Variants in ZNF638 observed in about 807,000 individuals in gnomAD.
ZNF638 encodes CTCL tumor antigen se33-1.
Under a neutral mutation model 195.6 loss-of-function variants are expected in ZNF638, and 46 were observed. The ratio of observed to expected loss-of-function variants is 0.24; its 90% CI spans 0.19 to 0.30. ZNF638 has a LOEUF of 0.30. Among genes scored for constraint, ZNF638 ranks in the 10% least tolerant of loss-of-function variants. The pLI is 1.00. For missense variants in ZNF638, 2,440 were observed against 2,325.3 expected (o/e 1.05, Z -1.01); for synonymous variants, 845 against 772.0 (o/e 1.09, Z -1.57).
intron 11 of ZNF638, among the ~76,000 whole-genome samples, chr2:71,397,562 T>TCGGCCAAC (rs1255363742): frequency 6.6e-6 from 1 of 152,202 alleles, no homozygotes; most frequent in Non-Finnish European, 1.5e-5. Context: ...ATTTTGGCAA[T>TCGGCCAAC]CACCACCCTT....
intron 1 of ZNF638, chr2:71,348,315 T>C: frequency 1.4e-6 from 1 of 697,440 alleles, no homozygotes; most frequent in African/African-American, 1.9e-5. Flanking sequence ...TTTACAAAAA[T>C]GGGTCTTTTA....
chr2:71,343,626 GA>G (rs1314934362), intron 1 of ZNF638, among the ~76,000 whole-genome samples: 3 of 152,196 alleles, frequency 2.0e-5, no homozygotes, highest in Non-Finnish European at 4.4e-5. Context: ...AGAGAGATTA[GA>G]TTGTCTCCTA....
intron 17 of ZNF638, 139 bp downstream of exon 17, chr2:71,404,137 A>G (rs925235206): frequency 5.6e-5 from 44 of 788,042 alleles, no homozygotes; most frequent in Non-Finnish European, 8.2e-5. Context: ...TGTCCCTCCA[A>G]CAATCACCCA....
chr2:71,385,912 T>C (rs577081900), intron 10 of ZNF638, among the ~76,000 whole-genome samples: 30 of 152,044 alleles, frequency 2.0e-4, no homozygotes, highest in East Asian at 9.6e-4. Flanking sequence ...TTTTAACATA[T>C]AGTGTCTGCG....
chr2:71,332,131 G>A (rs538894004), intron 1 of ZNF638, among the ~76,000 whole-genome samples: 7 of 152,358 alleles, frequency 4.6e-5, no homozygotes, highest in African/African-American at 4.8e-5. Flanking sequence ...CCGGGTACTC[G>A]TGAAGGACCC....
intron 11 of ZNF638, among the ~76,000 whole-genome samples, chr2:71,397,513 A>G (rs2079917762): frequency 2.6e-5 from 4 of 152,164 alleles, no homozygotes; most frequent in African/African-American, 9.7e-5. Context: ...TATGATTTTT[A>G]AAAGTATGAT....
At chr2:71,359,804 T>G (rs1279986816) in intron 3 of ZNF638, among the ~76,000 whole-genome samples, 1 of 152,220 alleles carries the variant, frequency 6.6e-6, no homozygotes, top group African/African-American at 2.4e-5. Context: ...TCCATTGATG[T>G]ATATTTAGAT....
intron 21 of ZNF638, among the ~76,000 whole-genome samples, chr2:71,421,890 T>G (rs528965059): frequency 1.3e-5 from 2 of 152,180 alleles, no homozygotes; most frequent in African/African-American, 4.8e-5. Flanking sequence ...AATATTGATA[T>G]AAAAATAACT....
At chr2:71,378,416 A>G (rs1242032445) in intron 8 of ZNF638, among the ~76,000 whole-genome samples, 3 of 152,214 alleles carry the variant, frequency 2.0e-5, no homozygotes, top group South Asian at 2.1e-4. Context: ...GGAAATGACA[A>G]GAGTGCCCAA....
In ZNF638 at chr2:71,393,375, G is replaced by C. The variant is rs1291115386; in HGVS notation, c.2378-2766G>C. Reference sequence around the variant, plus strand: ...CTAACGTGGGGAAGATGATATGCTTGTGTTCACACCCCCCTCAGGCCCTCT... The same window carrying C: ...CTAACGTGGGGAAGATGATATGCTTCTGTTCACACCCCCCTCAGGCCCTCT... On this transcript the variant is annotated intron_variant, in intron 10 of 27. Coordinates refer to ENST00000264447, the MANE Select transcript of ZNF638 (RefSeq NM_014497.5). The C allele has an allele frequency of 7.0e-6, 5 of 717,172 alleles. No individual in the cohort carries two copies. In the East Asian group the frequency reaches 1.3e-4, roughly 19 times the overall value. The allele number at this position is 717,172 out of a possible 1,614,324, so 44.4% of individuals were successfully genotyped here. A position where few individuals can be genotyped will look rare whatever the true frequency, so the allele number is the denominator to read the frequency against.
chr2:71,337,573 G>A lies in ZNF638; in HGVS notation c.-203+5698G>A, dbSNP rs371762032. Among the ~76,000 whole-genome samples, 7 of 151,922 alleles carry A rather than the reference G, an allele frequency of 4.6e-5. No homozygotes were observed. The South Asian group carries it at 8.3e-4, about 18-fold the overall frequency. On this transcript the variant is annotated intron_variant, in intron 1 of 27. Coordinates refer to ENST00000264447, the MANE Select transcript of ZNF638 (RefSeq NM_014497.5). ...GGCGCGCACCACCATGCCTGGCTACGTTTTATATTTTTTGTAGAGATGGGA... is the reference window on the plus strand; with the variant it reads ...GGCGCGCACCACCATGCCTGGCTACATTTTATATTTTTTGTAGAGATGGGA...
chr2:71,399,434 A>T, intron 12 of ZNF638, 125 bp from the exon 13 acceptor site: 2 of 655,884 alleles, frequency 3.0e-6, no homozygotes, highest in South Asian at 2.1e-5. Context: ...AAATAGAAAT[A>T]ATGACTATGT....
chr2:71,331,954 A>C, intron 1 of ZNF638, 79 bp downstream of exon 1: 1 of 982,068 alleles, frequency 1.0e-6, no homozygotes, highest in Non-Finnish European at 1.2e-6. Context: ...CCTTCCTGTG[A>C]GATCCGGGCC....
intron 1 of ZNF638, among the ~76,000 whole-genome samples, chr2:71,342,770 CAT>C (rs1007222252): frequency 1.3e-5 from 2 of 152,118 alleles, no homozygotes; most frequent in African/African-American, 4.8e-5. Flanking sequence ...CAGTAGCTGA[CAT>C]ATGGCATAAG....
chr2:71,345,636 G>C (rs1262686618), intron 1 of ZNF638, among the ~76,000 whole-genome samples: 3 of 152,018 alleles, frequency 2.0e-5, no homozygotes, highest in African/African-American at 7.2e-5. Context: ...TCCTGCCTTG[G>C]CCTCCCAAAG....
intron 20 of ZNF638, among the ~76,000 whole-genome samples, chr2:71,411,066 C>T (rs1158754869): frequency 4.2e-5 from 6 of 141,920 alleles, no homozygotes; most frequent in African/African-American, 1.3e-4. Flanking sequence ...GGCGTGACCT[C>T]GGCTCACTGC....
intron 10 of ZNF638, chr2:71,388,359 TGACCTTTGATCATCC>T (rs907034778): frequency 2.6e-5 from 15 of 569,618 alleles, no homozygotes; most frequent in South Asian, 1.3e-4. Flanking sequence ...TTTGATCATC[TGACCTTTGATCATCC>T]GACCTTTGAT....
chr2:71,349,815 T>G lies in ZNF638; in HGVS notation c.861T>G (p.Val287=). 6.2e-7 allele frequency: 1 copy of G among 1,614,160 alleles called. No homozygotes were observed. The highest frequency in any genetic ancestry group is 8.5e-7 in the Non-Finnish European group (1 of 1,180,022). Residue 287 remains valine, a synonymous_variant, in exon 2 of 28, where the codon GTT becomes GTG. Transcript: ENST00000264447. Reference sequence around the variant, plus strand: ...CCAATAATCGGTCCTTTTTCTCAGTTGAGAGTGGAACCAAGATGTCAGGCT... The same window carrying G: ...CCAATAATCGGTCCTTTTTCTCAGTGGAGAGTGGAACCAAGATGTCAGGCT... The part of the protein sequence containing the change: ...ESSNNRSFFS[V]ESGTKMSGLH...
intron 9 of ZNF638, 81 bp downstream of exon 9, chr2:71,380,361 A>G (rs2079514222): frequency 1.4e-5 from 17 of 1,173,754 alleles, no homozygotes; most frequent in Non-Finnish European, 2.0e-5. Context: ...ACCGCATTTT[A>G]AATATATTTT....
Sources: allele counts gnomAD v4.1 joint callset (sites outside exome capture counted in the v4.1 genomes callset), GRCh38; gene constraint gnomAD v4.1.1; transcripts MANE v1.5; gene names NCBI Gene and HGNC (gene_info 2026-07-23, HGNC 2026-07-21).